The following CLUH variants were observed in gnomAD, a reference collection of about 807,000 sequenced individuals.
CLUH encodes the protein CLUH binding protein of NUMT mRNA, also known as clustered mitochondria protein homolog.
CLUH carries 77 observed loss-of-function variants against 139.3 expected under a neutral mutation model. The observed-to-expected ratio is 0.55, with a 90% CI of 0.46 to 0.67. The LOEUF is 0.67. Ranked by LOEUF, CLUH falls within the 30% of genes least tolerant of loss-of-function variation. The pLI, the probability that CLUH is intolerant of heterozygous loss-of-function variation, is 0.00. For synonymous variants in CLUH, 999 were observed against 801.6 expected, an observed-to-expected ratio of 1.25 and a Z score of -4.16; for missense variants, 1,876 against 1,875.8, an observed-to-expected ratio of 1.00 and a Z score of 0.00.
In CLUH at chr17:2,694,049, AC is replaced by A. The variant is rs2151697513; in HGVS notation, c.3092-11del. On this transcript the variant is annotated splice_polypyrimidine_tract_variant and intron_variant, in intron 18 of 25. Transcript: ENST00000651024. ...CCCTCCTTCAGGAAGCCTGCAGGGC[AC>A]CCCCAGGGGTGGCAAGGTCAGGACG... 6.2e-7 allele frequency: 1 copy of A among 1,613,490 alleles called. No individual in the cohort carries two copies. Among genetic ancestry groups the A allele is most frequent in the African/African-American group, 1.3e-5 (1 of 74,898 alleles).
In CLUH at chr17:2,691,883, G is replaced by A. The variant is rs918014599; in HGVS notation, c.3667C>T (p.His1223Tyr). The A allele has an allele frequency of 5.9e-6, 9 of 1,538,372 alleles. No individual in the cohort carries two copies. In the African/African-American group the frequency reaches 1.1e-4, roughly 19 times the overall value. Reference sequence around the variant, plus strand: ...TCGGAGCTTTCCTTGGTCTTCTCATGGTCCTCGCCCAGCTGCGGGGAGGCG... The same window carrying A: ...TCGGAGCTTTCCTTGGTCTTCTCATAGTCCTCGCCCAGCTGCGGGGAGGCG... Reference protein sequence around the residue: ...TIYKTQLGEDHEKTKESSEYL... With the variant: ...TIYKTQLGEDYEKTKESSEYL... The change falls in exon 24 of 26, where the codon CAT becomes TAT. Residue 1223 changes from histidine to tyrosine, a missense_variant. Coordinates refer to ENST00000651024, the MANE Select transcript of CLUH (RefSeq NM_001366661.1).
At chr17:2,699,371 T>C (rs1037867511) in intron 9 of CLUH, among the ~76,000 whole-genome samples, 1 of 152,182 alleles carries the variant, frequency 6.6e-6, no homozygotes, top group African/African-American at 2.4e-5. Flanking sequence ...TTGCCAAGGC[T>C]GGAATGCAGC....
rs984584813 is a variant in CLUH at position 2,707,096 on chromosome 17, G to T, written c.101-2532C>A. ...ATCCTTCCTCCTAGGAACCCCGAAG[G>T]TCTCCCCACCCCTGGATGAAGGCTG... On this transcript the variant is annotated intron_variant, in intron 1 of 25. Transcript: ENST00000651024. This position sits in a 1 kb window ranked among gnomAD's most constrained non-coding sequence, Gnocchi z 7.4. The T allele has an allele frequency of 7.0e-6, 6 of 858,076 alleles. No individual in the cohort carries two copies. Among genetic ancestry groups the T allele is most frequent in the Non-Finnish European group, 8.4e-6 (6 of 713,588 alleles). The allele number at this position is 858,076 out of a possible 1,614,324, so 53.2% of individuals were successfully genotyped here. A position where few individuals can be genotyped will look rare whatever the true frequency, so the allele number is the denominator to read the frequency against.
intron 13 of CLUH, 82 bp from the exon 14 acceptor site, chr17:2,695,608 C>T (rs773190892): frequency 1.4e-6 from 2 of 1,452,402 alleles, no homozygotes; most frequent in Non-Finnish European, 1.8e-6. Context: ...CACAGCTATC[C>T]TGGGAGGCCC....
intron 16 of CLUH, 42 bp downstream of exon 16, chr17:2,694,815 T>C: frequency 1.4e-6 from 2 of 1,465,520 alleles, no homozygotes; most frequent in Non-Finnish European, 1.8e-6. Context: ...CCGCCTCATC[T>C]GCCCAATCCC....
chr17:2,695,504 G>A lies in CLUH; in HGVS notation c.2414C>T (p.Ala805Val), dbSNP rs771657609. The change falls in exon 14 of 26, where the codon GCG becomes GTG. Residue 805 changes from alanine (A) to valine (V), a missense_variant. Transcript: ENST00000651024. ...PGLVKDCMEH[A>V]VLPVDGATLA... is the part of the protein sequence containing the mutation. ...CGTTGCCCCGTCCACGGGCAGGACC[G>A]CGTGCTCCATGCAGTCCTTCACCTG... is the stretch of plus-strand genomic sequence containing the variant. 27 of 1,605,250 alleles carry A rather than the reference G, an allele frequency of 1.7e-5. No homozygotes were observed. Among genetic ancestry groups the A allele is most frequent in the East Asian group, 4.5e-5 (2 of 44,868 alleles).
At chr17:2,696,411 G>A (rs372862895) in intron 12 of CLUH, 23 bp downstream of exon 12, 314 of 1,559,374 alleles carry the variant, frequency 2.0e-4, no homozygotes, top group Middle Eastern at 3.3e-4. Context: ...GGGCTCCTGC[G>A]CTGGCCGGCC....
At chr17:2,694,737 T>C (rs2069862982) in intron 16 of CLUH, 120 bp downstream of exon 16, 1 of 1,388,974 alleles carries the variant, frequency 7.2e-7, no homozygotes, top group African/African-American at 1.5e-5. Context: ...CCACAGCTGC[T>C]CCCTCTTCTC....
rs1419967334 is a variant in CLUH at position 2,704,998 on chromosome 17, AG to A, written c.101-435del. ...CTCCTGAGCTGTGGTCCTGGGCTGCAGGGGGGCTGCAGGGGAGTGCCTAGGC... is the reference window on the plus strand; with the variant it reads ...CTCCTGAGCTGTGGTCCTGGGCTGCAGGGGGCTGCAGGGGAGTGCCTAGGC... On this transcript the variant is annotated intron_variant, in intron 1 of 25. Coordinates refer to ENST00000651024, the MANE Select transcript of CLUH (RefSeq NM_001366661.1). This position sits in a 1 kb window ranked among gnomAD's most constrained non-coding sequence, Gnocchi z 5.7. Among the ~76,000 whole-genome samples, 4 of 151,986 alleles carry A rather than the reference AG, an allele frequency of 2.6e-5. No individual in the cohort carries two copies. In the East Asian group the frequency reaches 7.7e-4, roughly 29 times the overall value.
At chr17:2,694,444 CGGGG>C (rs767121444) in intron 17 of CLUH, 32 bp downstream of exon 17, 18 of 1,512,960 alleles carry the variant, frequency 1.2e-5, no homozygotes, top group East Asian at 2.5e-5. Context: ...GGGGACACAG[CGGGG>C]ACACAGCGGG....
rs1473331062 is a variant in CLUH, at chr17:2,701,260, G to A, written c.905C>T (p.Thr302Ile). ...STRGFYLNQS[T>I]AYHFNPKPAS... is the part of the protein sequence containing the mutation. ...GGGCTTGGGGTTGAAGTGATAAGCT[G>A]TGGACCTGCAGGGAGAGGGCGGGCA... Residue 302 changes from threonine to isoleucine, a missense_variant, in exon 7 of 26, where the codon ACA becomes ATA. Physicochemically the swap from Thr to Ile is moderately conservative, Grantham distance 89 (BLOSUM62 -1). Coordinates refer to ENST00000651024, the MANE Select transcript of CLUH (RefSeq NM_001366661.1). 2.5e-6 allele frequency: 4 copies of A among 1,612,388 alleles called. No homozygotes were observed. Among genetic ancestry groups the A allele is most frequent in the African/African-American group, 2.7e-5 (2 of 74,900 alleles).
At chr17:2,702,555 ACTGTGGGCG>A (rs2070222992) in intron 3 of CLUH, among the ~76,000 whole-genome samples, 1 of 152,214 alleles carries the variant, frequency 6.6e-6, no homozygotes, top group Admixed American at 6.5e-5. Flanking sequence ...TCCGTGATCA[ACTGTGGGCG>A]CTGTTGAGCT....
intron 9 of CLUH, among the ~76,000 whole-genome samples, 187 bp from the exon 10 acceptor site, chr17:2,698,777 C>T (rs929965949): frequency 6.6e-6 from 1 of 152,158 alleles, no homozygotes; most frequent in African/African-American, 2.4e-5. Flanking sequence ...GGCGCGGTGG[C>T]TCACACCTGT....
Position 2,691,673 on chromosome 17 carries a change from G to T in CLUH, c.3799C>A (p.Pro1267Thr), listed in dbSNP as rs776806820. ...ANIPPLKFTA[P>T]SMASVLEQLN... ...TGCTCCAAGACGCTGGCCATGCTGGGGGCCGTGAACTGCGGGGCGGGGAAA... is the reference window on the plus strand; with the variant it reads ...TGCTCCAAGACGCTGGCCATGCTGGTGGCCGTGAACTGCGGGGCGGGGAAA... Residue 1267 changes from proline (P) to threonine (T), a missense_variant, in exon 25 of 26, where the codon CCC (proline) becomes ACC (threonine). Physicochemically the swap from Pro to Thr is conservative, Grantham distance 38. This residue lies in a region of CLUH where 1,454 missense variants were observed against 1,384.4 expected (regional missense o/e 1.05). Coordinates refer to ENST00000651024, the MANE Select transcript of CLUH (RefSeq NM_001366661.1). 2 of 1,612,138 alleles carry T rather than the reference G, an allele frequency of 1.2e-6. No individual in the cohort carries two copies. The highest frequency in any genetic ancestry group is 3.3e-5 in the Admixed American group (2 of 59,932).
Position 2,704,788 on chromosome 17 carries a change from C to A in CLUH, c.101-224G>T, listed in dbSNP as rs1044815307. 1.6e-4 allele frequency among the ~76,000 whole-genome samples: 25 copies of A among 152,248 alleles called. No individual in the cohort carries two copies. Among genetic ancestry groups the A allele is most frequent in the Middle Eastern group, 6.8e-3 (2 of 294 alleles). ...CTGGCCCACTGTGGTATGGCTTGCA[C>A]CTGAACCCATGTCCCAAACCACTCT... On this transcript the variant is annotated intron_variant, in intron 1 of 25. Transcript: ENST00000651024. The surrounding 1 kb of genome is among the most constrained non-coding windows in gnomAD (Gnocchi z 5.7).
Position 2,696,519 on chromosome 17 carries a change from C to T in CLUH, c.2205G>A (p.Glu735=), listed in dbSNP as rs1174619422. The T allele has an allele frequency of 2.6e-5, 41 of 1,577,364 alleles. No homozygotes were observed. The highest frequency in any genetic ancestry group is 3.0e-5 in the Non-Finnish European group (35 of 1,165,154). ...DDGTADPRSR[E]VIRNACKAVG... ...CCGCCTTGCACGCGTTGCGGATCAC[C>T]TCCCGGCTCCGAGGGTCTGCTGTGG... Residue 735 remains glutamate, a synonymous_variant, in exon 12 of 26, where the codon GAG becomes GAA. Coordinates refer to ENST00000651024, the MANE Select transcript of CLUH (RefSeq NM_001366661.1).
At chr17:2,693,837 G>A in intron 19 of CLUH, 63 bp downstream of exon 19, 3 of 1,537,942 alleles carry the variant, frequency 2.0e-6, no homozygotes, top group South Asian at 1.2e-5. Context: ...TCCGTCAGGG[G>A]CCCCCTCACT....
intron 19 of CLUH, among the ~76,000 whole-genome samples, chr17:2,693,624 G>A (rs1387643840): frequency 6.9e-6 from 1 of 143,956 alleles, no homozygotes; most frequent in Non-Finnish European, 1.5e-5. Context: ...CATGCTTCCT[G>A]CCCACTCACG....
chr17:2,696,977 G>C (rs1050408927), intron 10 of CLUH, 35 bp from the exon 11 acceptor site: 1 of 1,466,744 alleles, frequency 6.8e-7, no homozygotes, highest in African/African-American at 1.4e-5. Context: ...GCAGGAGCTG[G>C]ACATCGGGGA....
Sources: allele counts gnomAD v4.1 joint callset (sites outside exome capture counted in the v4.1 genomes callset), GRCh38; gene constraint gnomAD v4.1.1; regional missense constraint gnomAD v4.1.1; non-coding constraint Gnocchi (gnomAD v3.1); transcripts MANE v1.5; gene names NCBI Gene and HGNC (gene_info 2026-07-23, HGNC 2026-07-21).